Variants in CDO1 observed in about 807,000 individuals in gnomAD.
CDO1 encodes the protein cysteine dioxygenase, type I.
Under a neutral mutation model 24.5 loss-of-function variants are expected in CDO1, and 19 were observed. That is an observed-to-expected ratio of 0.77 (90% CI 0.54 to 1.14). CDO1 has a LOEUF of 1.14. CDO1 is among the 50% of genes most tolerant of loss of function. CDO1 has a pLI of 0.00. For synonymous variants in CDO1, 91 were observed against 87.0 expected (o/e 1.05, Z -0.26); for missense variants, 244 against 244.8 (o/e 1.00, Z 0.02).
rs1419758860 is a variant in CDO1, at chr5:115,816,252, A to C, written c.146T>G (p.Met49Arg). The C allele has an allele frequency of 1.2e-6, 2 of 1,613,938 alleles. No individual in the cohort carries two copies. The highest frequency in any genetic ancestry group is 1.3e-5 in the African/African-American group (1 of 74,878). Reference sequence around the variant, plus strand: ...CCTGTACTGGTCGAACTTGGCGTACATTGCCCACTCGGTGGGGTCGCTCTC... The same window carrying C: ...CCTGTACTGGTCGAACTTGGCGTACCTTGCCCACTCGGTGGGGTCGCTCTC... Reference protein sequence around the residue: ...AYESDPTEWAMYAKFDQYRYT... With the variant: ...AYESDPTEWARYAKFDQYRYT... The change falls in exon 1 of 5, where the codon ATG becomes AGG. Residue 49 changes from methionine (M) to arginine (R), a missense_variant. Coordinates refer to ENST00000250535, the MANE Select transcript of CDO1 (RefSeq NM_001801.3).
At chr5:115,815,539 C>T (rs1324235393) in intron 1 of CDO1, among the ~76,000 whole-genome samples, 1 of 152,066 alleles carries the variant, frequency 6.6e-6, no homozygotes, top group Admixed American at 6.5e-5. Flanking sequence ...AACCCACAGT[C>T]GGGGAAGTTA....
At chr5:115,805,734 C>T (rs147045665) in intron 4 of CDO1, among the ~76,000 whole-genome samples, 231 of 152,344 alleles carry the variant, frequency 1.5e-3, no homozygotes, top group African/African-American at 5.3e-3. Context: ...TCCATTTTCA[C>T]ACATTGTCTA....
In CDO1 at chr5:115,806,356, G is replaced by T. The variant is rs1759944008; in HGVS notation, c.566C>A (p.Thr189Asn). ...MTFHSKFGIR[T>N]PNATSGSLEN... ...AGAAGAAATTATACTCACATTTGGA[G>T]TTCTGATTCCAAATTTACTATGGAA... Residue 189 changes from threonine (T) to asparagine (N), a missense_variant, in exon 4 of 5, where the codon ACT (threonine) becomes AAT (asparagine). Thr to Asn is a moderately conservative substitution (Grantham distance 65). Coordinates refer to ENST00000250535, the MANE Select transcript of CDO1 (RefSeq NM_001801.3). The T allele has an allele frequency of 1.2e-6, 2 of 1,604,382 alleles. No homozygotes were observed. Among genetic ancestry groups the T allele is most frequent in the Non-Finnish European group, 1.7e-6 (2 of 1,176,262 alleles).
Position 115,813,200 on chromosome 5 carries a change from A to C in CDO1, c.229T>G (p.Trp77Gly). Reference sequence around the variant, plus strand: ...TTTTACCTGCCATGTCCTTCACCCCAACAGAGAATCATCAGATTAAATTTT... The same window carrying C: ...TTTTACCTGCCATGTCCTTCACCCCCACAGAGAATCATCAGATTAAATTTT... ...NGKFNLMILCWGEGHGSSIHD... is the reference protein window; with the variant it reads ...NGKFNLMILCGGEGHGSSIHD... The change falls in exon 2 of 5, where the codon TGG (tryptophan) becomes GGG (glycine). Residue 77 changes from tryptophan to glycine, a missense_variant. Trp to Gly is a radical substitution (Grantham distance 184). Transcript: ENST00000250535. 2 of 1,598,110 alleles carry C rather than the reference A, an allele frequency of 1.3e-6. No homozygotes were observed. Among genetic ancestry groups the C allele is most frequent in the South Asian group, 2.2e-5 (2 of 90,626 alleles).
Position 115,811,079 on chromosome 5 carries a change from AT to A in CDO1, c.403+81del. 2.4e-6 allele frequency: 3 copies of A among 1,272,652 alleles called. No individual in the cohort carries two copies. The South Asian group carries it at 4.1e-5, about 18-fold the overall frequency. 78.8% of individuals were successfully genotyped at this position (1,272,652 alleles called of 1,614,324 possible). A position where few individuals can be genotyped will look rare whatever the true frequency, so the allele number is the denominator to read the frequency against. On this transcript the variant is annotated intron_variant, in intron 3 of 4. Coordinates refer to ENST00000250535, the MANE Select transcript of CDO1 (RefSeq NM_001801.3). The stretch of plus-strand genomic sequence containing the variant: ...TGACTCATGATCCAGGTTCTACTGC[AT>A]AAAAAGTGTAAGTAACCAATATTTC...
intron 2 of CDO1, among the ~76,000 whole-genome samples, chr5:115,811,535 C>A (rs1760190195): frequency 6.6e-6 from 1 of 152,242 alleles, no homozygotes; most frequent in Middle Eastern, 3.4e-3. Context: ...ATAAAAGGTA[C>A]AATTTTGATG....
At chr5:115,805,595 C>G (rs1183998858) in intron 4 of CDO1, 133 bp from the exon 5 acceptor site, 2 of 724,090 alleles carry the variant, frequency 2.8e-6, no homozygotes, top group Non-Finnish European at 4.6e-6. Flanking sequence ...TTGTTTTTCC[C>G]GCAATAAGAA....
intron 1 of CDO1, among the ~76,000 whole-genome samples, chr5:115,815,415 T>C (rs1199639079): frequency 2.0e-5 from 3 of 152,122 alleles, no homozygotes; most frequent in African/African-American, 7.2e-5. Context: ...TAGGGGTCTT[T>C]AATTTACATT....
Position 115,813,266 on chromosome 5 carries a change from A to G in CDO1, c.171-8T>C, listed in dbSNP as rs760871805. The G allele has an allele frequency of 1.4e-6, 2 of 1,479,696 alleles. No homozygotes were observed. Among genetic ancestry groups the G allele is most frequent in the South Asian group, 1.1e-5 (1 of 87,518 alleles). 91.7% of individuals were successfully genotyped at this position (1,479,696 alleles called of 1,614,324 possible). On this transcript the variant is annotated splice_region_variant and splice_polypyrimidine_tract_variant and intron_variant, in intron 1 of 4. Coordinates refer to ENST00000250535, the MANE Select transcript of CDO1 (RefSeq NM_001801.3). ...ACAAGATTTCGGGTATACCTAAAAAAAAACAATATATTCAGAAGTTTTAAG... is the reference window on the plus strand; with the variant it reads ...ACAAGATTTCGGGTATACCTAAAAAGAAACAATATATTCAGAAGTTTTAAG...
chr5:115,813,997 A>C (rs1291961508), intron 1 of CDO1: 1 of 152,480 alleles, frequency 6.6e-6, no homozygotes, highest in Non-Finnish European at 1.5e-5. Flanking sequence ...CTATTGGTCC[A>C]AGGTGTACTG....
Position 115,811,142 on chromosome 5 carries a change from A to G in CDO1, c.403+19T>C. ...CATGGTTCTTCCCACTTGCCCTTAG[A>G]AAAAGAATAAGATGTTACCATTGAT... On this transcript the variant is annotated intron_variant, in intron 3 of 4. Transcript: ENST00000250535. 2.5e-6 allele frequency: 4 copies of G among 1,606,236 alleles called. No individual in the cohort carries two copies. The highest frequency in any genetic ancestry group is 3.4e-6 in the Non-Finnish European group (4 of 1,176,084).
intron 1 of CDO1, 56 bp downstream of exon 1, chr5:115,816,172 C>T (rs1158711124): frequency 2.6e-6 from 4 of 1,528,546 alleles, no homozygotes; most frequent in Non-Finnish European, 2.7e-6. Flanking sequence ...CACGTCCATT[C>T]CTCCTCAGAC....
chr5:115,810,481 A>G (rs1029994307), intron 3 of CDO1, among the ~76,000 whole-genome samples: 4 of 152,208 alleles, frequency 2.6e-5, no homozygotes, highest in African/African-American at 9.6e-5. Context: ...AAGCTGAGTA[A>G]CCTTGGACAA....
In CDO1 at chr5:115,811,330, A is replaced by G. The variant is rs749716733; in HGVS notation, c.249-15T>C. The G allele has an allele frequency of 6.2e-7, 1 of 1,605,162 alleles. No individual in the cohort carries two copies. Among genetic ancestry groups the G allele is most frequent in the Non-Finnish European group, 8.5e-7 (1 of 1,173,940 alleles). ...CATGAATACTGCTATATGTACACAA[A>G]ATGACAACTGAACTCAGTAGATGGT... On this transcript the variant is annotated splice_polypyrimidine_tract_variant and intron_variant, in intron 2 of 4. Transcript: ENST00000250535.
intron 2 of CDO1, among the ~76,000 whole-genome samples, chr5:115,812,448 T>C (rs969059065): frequency 6.3e-4 from 96 of 152,208 alleles, no homozygotes; most frequent in African/African-American, 2.2e-3. Context: ...AAGAATTAAC[T>C]TGAAGTAGAA....
At position 115,806,332 on chromosome 5, in the gene CDO1, G is replaced by A. The variant is rs753492426; in HGVS notation, c.573+17C>T. 6.3e-7 allele frequency: 1 copy of A among 1,584,432 alleles called. No individual in the cohort carries two copies. The highest frequency in any genetic ancestry group is 8.6e-7 in the Non-Finnish European group (1 of 1,164,898). ...CCAACCTACAGAGCATTTAAACCTA[G>A]AAGAAATTATACTCACATTTGGAGT... On this transcript the variant is annotated intron_variant, in intron 4 of 4. Coordinates refer to ENST00000250535, the MANE Select transcript of CDO1 (RefSeq NM_001801.3).
At chr5:115,810,988 C>T (rs1760162740) in intron 3 of CDO1, among the ~76,000 whole-genome samples, 173 bp downstream of exon 3, 1 of 152,092 alleles carries the variant, frequency 6.6e-6, no homozygotes, top group African/African-American at 2.4e-5. Flanking sequence ...TGATTCCAAC[C>T]AAGATACAAA....
At chr5:115,813,317 A>G (rs745627304) in intron 1 of CDO1, 59 bp from the exon 2 acceptor site, 23 of 912,636 alleles carry the variant, frequency 2.5e-5, no homozygotes, top group Non-Finnish European at 4.0e-5. Flanking sequence ...AGCACTGGAA[A>G]AAATAAGTGT....
At chr5:115,814,741 G>T (rs1416902513) in intron 1 of CDO1, among the ~76,000 whole-genome samples, 1 of 152,180 alleles carries the variant, frequency 6.6e-6, no homozygotes. Context: ...TTTAACAGTG[G>T]TTTAGAGTGT....
Sources: allele counts gnomAD v4.1 joint callset (sites outside exome capture counted in the v4.1 genomes callset), GRCh38; gene constraint gnomAD v4.1.1; transcripts MANE v1.5; gene names NCBI Gene and HGNC (gene_info 2026-07-23, HGNC 2026-07-21).